KIF26B: variants seen among roughly 807,000 people sequenced by gnomAD.
KIF26B encodes the protein kinesin family member 26B.
In KIF26B, 63 loss-of-function variants were observed where a neutral mutation model predicts 151.2. That is an observed-to-expected ratio of 0.42 (90% CI 0.34 to 0.51). KIF26B has a LOEUF of 0.51. Ranked by LOEUF, KIF26B falls within the 20% of genes least tolerant of loss-of-function variation. The pLI is 0.07. For missense variants in KIF26B, 2,813 were observed against 2,913.6 expected, an observed-to-expected ratio of 0.97 and a Z score of 0.79; for synonymous variants, 1,357 against 1,262.1, an observed-to-expected ratio of 1.08 and a Z score of -1.59.
At chr1:245,379,643 T>C (rs1673357291) in intron 3 of KIF26B, among the ~76,000 whole-genome samples, 1 of 152,050 alleles carries the variant, frequency 6.6e-6, no homozygotes, top group Non-Finnish European at 1.5e-5. Flanking sequence ...TTAAAATTAT[T>C]ATATAATTTG....
At position 245,367,260 on chromosome 1, in the gene KIF26B, C is replaced by T. The variant is rs887532671; in HGVS notation, c.892C>T (p.Pro298Ser). ...GGTCAGCCTCCAGATGGCCACCAGT[C>T]CAAGCAATGGGAACATCCTCAATTC... Reference protein sequence around the residue: ...AKVSLQMATSPSNGNILNSVA... With the variant: ...AKVSLQMATSSSNGNILNSVA... The change falls in exon 3 of 15, where the codon CCA becomes TCA. Residue 298 changes from proline (P) to serine (S), a missense_variant. Physicochemically the swap from Pro to Ser is moderately conservative, Grantham distance 74. Around this residue, in one of 3 missense-constraint regions of KIF26B, gnomAD observed 676 missense variants for 688.1 expected, o/e 0.98. Coordinates refer to ENST00000407071, the MANE Select transcript of KIF26B (RefSeq NM_018012.4). This position sits in a 1 kb window ranked among gnomAD's most constrained non-coding sequence, Gnocchi z 4.2. 3 of 1,606,868 alleles carry T rather than the reference C, an allele frequency of 1.9e-6. No individual in the cohort carries two copies. The highest frequency in any genetic ancestry group is 3.4e-5 in the Admixed American group (2 of 58,916).
At chr1:245,663,222 C>CT (rs202169496) in intron 10 of KIF26B, among the ~76,000 whole-genome samples, 1 of 151,138 alleles carries the variant, frequency 6.6e-6, no homozygotes, top group Non-Finnish European at 1.5e-5. Flanking sequence ...CTCATCTTTT[C>CT]CCCTTCTCTC....
At chr1:245,197,334 T>G (rs1484143574) in intron 2 of KIF26B, among the ~76,000 whole-genome samples, 2 of 152,212 alleles carry the variant, frequency 1.3e-5, no homozygotes, top group Non-Finnish European at 1.5e-5. Context: ...CTTCAGCACT[T>G]AGCTTTGAAT....
At chr1:245,213,731 C>T (rs1043702449) in intron 2 of KIF26B, among the ~76,000 whole-genome samples, 1 of 152,176 alleles carries the variant, frequency 6.6e-6, no homozygotes, top group Admixed American at 6.5e-5. Context: ...GTGTGCCGCA[C>T]CTTTGTTCTG....
chr1:245,290,563 G>A (rs149393318), intron 2 of KIF26B, among the ~76,000 whole-genome samples: 4,881 of 152,282 alleles, frequency 0.032, 280 homozygotes, highest in African/African-American at 0.11. Context: ...CATGGTGCTG[G>A]TGGGAGTGTA....
rs149051293 is a variant in KIF26B at position 245,510,257 on chromosome 1, C to T, written c.1167-30510C>T. 3.4e-3 allele frequency among the ~76,000 whole-genome samples: 525 copies of T among 152,248 alleles called. 3 individuals are homozygous for T. The highest frequency in any genetic ancestry group is 0.011 in the African/African-American group (473 of 41,552). On this transcript the variant is annotated intron_variant, in intron 4 of 14. Coordinates refer to ENST00000407071, the MANE Select transcript of KIF26B (RefSeq NM_018012.4). ...TGAGAGCATTGGAATAGTTTTAAGG[C>T]GTGCAAACTGTGAGACTAGACAATT...
At chr1:245,317,031 G>T (rs1671793417) in intron 2 of KIF26B, among the ~76,000 whole-genome samples, 1 of 152,038 alleles carries the variant, frequency 6.6e-6, no homozygotes, top group Non-Finnish European at 1.5e-5. Context: ...AACATTTCAG[G>T]GTTGATTTGG....
chr1:245,179,485 G>A (rs1219396497), intron 2 of KIF26B, among the ~76,000 whole-genome samples: 2 of 152,076 alleles, frequency 1.3e-5, no homozygotes, highest in South Asian at 2.1e-4. Context: ...TTAGCCGGGC[G>A]TGGTGGTGCG....
At chr1:245,253,095 C>T (rs1670472774) in intron 2 of KIF26B, among the ~76,000 whole-genome samples, 1 of 150,760 alleles carries the variant, frequency 6.6e-6, no homozygotes, top group South Asian at 2.1e-4. Context: ...CTGCAACTTC[C>T]ACCTCCCAGG....
chr1:245,326,412 G>T (rs1671991893), intron 2 of KIF26B, among the ~76,000 whole-genome samples: 1 of 152,198 alleles, frequency 6.6e-6, no homozygotes, highest in Non-Finnish European at 1.5e-5. Flanking sequence ...CAAATTGAGG[G>T]AAGTGGCTTT....
chr1:245,513,943 G>T (rs1036646845), intron 4 of KIF26B, among the ~76,000 whole-genome samples: 2 of 152,088 alleles, frequency 1.3e-5, no homozygotes, highest in African/African-American at 4.8e-5. Context: ...GAGTTTTGCT[G>T]CAAAGCCTGT....
rs138610299 is a variant in KIF26B, at chr1:245,403,246, T to C, written c.1000-16333T>C. On this transcript the variant is annotated intron_variant, in intron 3 of 14. Transcript: ENST00000407071. Reference sequence around the variant, plus strand: ...CCTCAGCCTCCCAAGTAGTTGGGACTACAGGGACACACCACCCTGCCGAGC... The same window carrying C: ...CCTCAGCCTCCCAAGTAGTTGGGACCACAGGGACACACCACCCTGCCGAGC... Among the ~76,000 whole-genome samples the C allele has an allele frequency of 7.5e-4, 114 of 152,312 alleles. 1 individual carries two copies. The highest frequency in any genetic ancestry group is 2.6e-3 in the African/African-American group (108 of 41,562).
Position 245,684,344 on chromosome 1 carries a change from C to T in KIF26B, c.2370C>T (p.Ser790=), listed in dbSNP as rs772543656. The T allele has an allele frequency of 6.2e-7, 1 of 1,613,744 alleles. No individual in the cohort carries two copies. Among genetic ancestry groups the T allele is most frequent in the Non-Finnish European group, 8.5e-7 (1 of 1,179,850 alleles). The change falls in exon 11 of 15, where the codon TCC becomes TCT. Residue 790 remains serine (S), a synonymous_variant. Coordinates refer to ENST00000407071, the MANE Select transcript of KIF26B (RefSeq NM_018012.4). ...AAVGSYAETL[S]TIQIASRVLR... is the part of the protein sequence containing the mutation. ...TCGGGAGCTACGCGGAGACCCTGTC[C>T]ACCATCCAGATTGCATCGAGAGTCT...
chr1:245,566,513 A>G (rs1219074523), intron 5 of KIF26B, among the ~76,000 whole-genome samples: 1 of 152,252 alleles, frequency 6.6e-6, no homozygotes, highest in Non-Finnish European at 1.5e-5. Flanking sequence ...AAACAAATAC[A>G]GTTGCTTGTG....
intron 5 of KIF26B, among the ~76,000 whole-genome samples, chr1:245,587,519 G>C (rs772550345): frequency 2.1e-4 from 32 of 152,236 alleles, no homozygotes; most frequent in Non-Finnish European, 3.4e-4. Context: ...GAGAGCTGCC[G>C]GCCATTGTTC....
intron 4 of KIF26B, among the ~76,000 whole-genome samples, chr1:245,447,360 GGGA>G (rs1263020782): frequency 1.3e-5 from 2 of 152,164 alleles, no homozygotes; most frequent in Non-Finnish European, 2.9e-5. Flanking sequence ...GCTTCGTACT[GGGA>G]GGAGAACTCA....
rs1187334814 is a variant in KIF26B, at chr1:245,606,997, C to T, written c.1558-654C>T. On this transcript the variant is annotated intron_variant, in intron 6 of 14. Coordinates refer to ENST00000407071, the MANE Select transcript of KIF26B (RefSeq NM_018012.4). This position sits in a 1 kb window ranked among gnomAD's most constrained non-coding sequence, Gnocchi z 4.6. The stretch of plus-strand genomic sequence containing the variant: ...AAGAGAATCACTTGAGCCCAGGAGG[C>T]GGAGGTTGCAGTGAGTTGAGATCGC... 3.8e-5 allele frequency among the ~76,000 whole-genome samples: 5 copies of T among 133,302 alleles called. No homozygotes were observed. The East Asian group carries it at 1.3e-3, about 34-fold the overall frequency. The allele number at this position is 133,302 out of a possible 152,430, so 87.5% of individuals were successfully genotyped here.
chr1:245,434,036 C>G (rs1201462511), intron 4 of KIF26B, among the ~76,000 whole-genome samples: 2 of 152,016 alleles, frequency 1.3e-5, no homozygotes, highest in African/African-American at 2.4e-5. Context: ...AAATTTCTTT[C>G]CAGTCTTTTT....
chr1:245,370,487 C>G, intron 3 of KIF26B: 1 of 399,762 alleles, frequency 2.5e-6, no homozygotes. Context: ...GGTGAACATC[C>G]TTTTACCCAG....
Sources: allele counts gnomAD v4.1 joint callset (sites outside exome capture counted in the v4.1 genomes callset), GRCh38; gene constraint gnomAD v4.1.1; regional missense constraint gnomAD v4.1.1; non-coding constraint Gnocchi (gnomAD v3.1); transcripts MANE v1.5; gene names NCBI Gene and HGNC (gene_info 2026-07-23, HGNC 2026-07-21).